DEAF1: variants seen among roughly 807,000 people sequenced by gnomAD.
The protein encoded by DEAF1 is DEAF1 transcription factor.
A neutral mutation model predicts 58.9 loss-of-function variants in DEAF1; 53 were observed. The observed-to-expected ratio is 0.90, with a 90% CI of 0.72 to 1.13. The LOEUF is 1.13. Among genes scored for constraint, DEAF1 ranks in the 50% most tolerant of loss-of-function variants. The pLI is 0.00. For synonymous variants in DEAF1, 385 were observed against 340.4 expected (o/e 1.13, Z -1.44); for missense variants, 685 against 791.4 (o/e 0.87, Z 1.61).
intron 6 of DEAF1, among the ~76,000 whole-genome samples, chr11:683,118 G>A (rs569676492): frequency 6.6e-6 from 1 of 152,228 alleles, no homozygotes; most frequent in South Asian, 2.1e-4. Flanking sequence ...ACCTTAAGGG[G>A]TTATTTTTTC....
intron 10 of DEAF1, among the ~76,000 whole-genome samples, chr11:673,113 C>A (rs1043356892): frequency 6.6e-6 from 1 of 151,902 alleles, no homozygotes; most frequent in Non-Finnish European, 1.5e-5. Context: ...CGTGCCACTG[C>A]ACTCCAGCCT....
chr11:701,386 G>A (rs1266288548), intron 1 of DEAF1, among the ~76,000 whole-genome samples: 1 of 144,862 alleles, frequency 6.9e-6, no homozygotes, highest in African/African-American at 2.6e-5. Context: ...TTTTTTTTTG[G>A]TAGAGACGAG....
Position 673,144 on chromosome 11 carries a change from G to A in DEAF1, c.1503+1392C>T, listed in dbSNP as rs146566661. Among the ~76,000 whole-genome samples, 83 of 151,860 alleles carry A rather than the reference G, an allele frequency of 5.5e-4. No individual in the cohort carries two copies. The East Asian group carries it at 6.8e-3, about 12-fold the overall frequency. ...AGCCTGGGTGATGGAGCGAGACTCC[G>A]TCTCAAAAAATAAAATAAAGTAAAA... On this transcript the variant is annotated intron_variant, in intron 10 of 11. Transcript: ENST00000382409.
rs750839352 is a variant in DEAF1, at chr11:674,556, C to T, written c.1483G>A (p.Ala495Thr). ...GTTACCTCCTTCCGCTCTGCGTCAG[C>T]GTGGATCTTGGCCTGGTTTGTGGCA... ...EAATNQAKIHADAERKEQSCV... is the reference protein window; with the variant it reads ...EAATNQAKIHTDAERKEQSCV... The change falls in exon 10 of 12, where the codon GCT becomes ACT. Residue 495 changes from alanine (A) to threonine (T), a missense_variant. By Grantham distance (58) the Ala-to-Thr change is moderately conservative. This residue lies in a region of DEAF1 where 343 missense variants were observed against 379.8 expected (regional missense o/e 0.90). Transcript: ENST00000382409. 5 of 1,613,752 alleles carry T rather than the reference C, an allele frequency of 3.1e-6. No homozygotes were observed. The highest frequency in any genetic ancestry group is 2.2e-5 in the East Asian group (1 of 44,884).
At chr11:674,903 G>C in intron 9 of DEAF1, 120 bp from the exon 10 acceptor site, 1 of 1,351,386 alleles carries the variant, frequency 7.4e-7, no homozygotes, top group Non-Finnish European at 1.0e-6. Context: ...CCAGCACTTT[G>C]GGAGGCCAAG....
At chr11:692,580 C>T (rs537483108) in intron 1 of DEAF1, among the ~76,000 whole-genome samples, 3 of 152,190 alleles carry the variant, frequency 2.0e-5, no homozygotes, top group South Asian at 4.1e-4. Context: ...CAGCCGGGCG[C>T]GGTGGCTCAC....
chr11:661,913 C>A lies in DEAF1; in HGVS notation c.1504-7862G>T, dbSNP rs1859336314. Among the ~76,000 whole-genome samples the A allele has an allele frequency of 2.6e-5, 4 of 152,200 alleles. No homozygotes were observed. In the South Asian group the frequency reaches 8.3e-4, roughly 31 times the overall value. ...AATTACAAATAACAATTTAATGGCA[C>A]AAAGCAAGCTTGTCCAACCCACAGC... On this transcript the variant is annotated intron_variant, in intron 10 of 11. Transcript: ENST00000382409.
intron 11 of DEAF1, among the ~76,000 whole-genome samples, chr11:645,538 G>A (rs562111793): frequency 1.3e-5 from 2 of 152,238 alleles, no homozygotes; most frequent in African/African-American, 4.8e-5. Context: ...GGCTGGTCTC[G>A]AACTCCTGAC....
Position 694,955 on chromosome 11 carries a change from GGCCGCGGCC to G in DEAF1, c.84_92del (p.Ala31_Ala33del). 8.2e-7 allele frequency: 1 copy of G among 1,226,498 alleles called. No individual in the cohort carries two copies. The highest frequency in any genetic ancestry group is 1.0e-6 in the Non-Finnish European group (1 of 984,844). 76.0% of individuals were successfully genotyped at this position (1,226,498 alleles called of 1,614,324 possible). On this transcript the variant is annotated inframe_deletion, in exon 1 of 12. Transcript: ENST00000382409. ...GCTCCTCCGCCTCGCCTCCTGCCGC[GGCCGCGGCC>G]GCCGCCGCCACAGCGGCCGCGGCCG...
At chr11:673,694 C>A (rs138344947) in intron 10 of DEAF1, among the ~76,000 whole-genome samples, 1 of 152,152 alleles carries the variant, frequency 6.6e-6, no homozygotes. Context: ...TTTCCTGTGG[C>A]CTTCAGAGCT....
upstream of DEAF1, chr11:700,181 G>A (rs143901821): frequency 3.6e-4 from 584 of 1,614,128 alleles, no homozygotes; most frequent in Admixed American, 6.7e-4. Context: ...TTATCTCAGC[G>A]GAACGTACTA....
At chr11:695,965 T>C (rs910748804), upstream of DEAF1, 9 of 796,824 alleles carry the variant, frequency 1.1e-5, no homozygotes, top group African/African-American at 1.6e-4. Context: ...CGTCTCTACG[T>C]GAGCGAGACA....
At chr11:692,079 G>A (rs545480761) in intron 1 of DEAF1, among the ~76,000 whole-genome samples, 2 of 152,144 alleles carry the variant, frequency 1.3e-5, no homozygotes, top group African/African-American at 4.8e-5. Flanking sequence ...AGGTGACCTC[G>A]GCCCCATGCT....
upstream of DEAF1, chr11:695,585 C>A (rs1255853519): frequency 4.0e-6 from 5 of 1,239,620 alleles, no homozygotes; most frequent in Non-Finnish European, 5.1e-6. Context: ...CGAGCCGAGA[C>A]GAGCCGAATG....
intron 9 of DEAF1, among the ~76,000 whole-genome samples, chr11:677,909 G>A (rs1395204890): frequency 6.6e-6 from 1 of 151,604 alleles, no homozygotes; most frequent in Non-Finnish European, 1.5e-5. Context: ...GTTGCAGTGA[G>A]CCGAGATCGC....
At chr11:679,629 G>A (rs1860251122) in intron 8 of DEAF1, 59 bp downstream of exon 8, 3 of 1,602,142 alleles carry the variant, frequency 1.9e-6, no homozygotes, top group Non-Finnish European at 2.5e-6. Context: ...CGTCGGGGAT[G>A]TGATGTCACA....
At chr11:702,680 C>T (rs1005454260) in intron 1 of DEAF1, among the ~76,000 whole-genome samples, 1 of 152,240 alleles carries the variant, frequency 6.6e-6, no homozygotes, top group Non-Finnish European at 1.5e-5. Context: ...CCCACACAGC[C>T]GACCCAGAAG....
At chr11:692,975 G>A (rs887315411) in intron 1 of DEAF1, among the ~76,000 whole-genome samples, 8 of 152,226 alleles carry the variant, frequency 5.3e-5, no homozygotes, top group African/African-American at 1.9e-4. Context: ...GCCACAGTGA[G>A]TGCTCAACGC....
intron 10 of DEAF1, among the ~76,000 whole-genome samples, chr11:661,326 C>T (rs550681114): frequency 4.4e-4 from 67 of 152,256 alleles, no homozygotes; most frequent in Middle Eastern, 6.8e-3. Flanking sequence ...TCATTACATA[C>T]ACACGAATGC....
Sources: gnomAD v4.1 joint callset for allele counts (sites outside exome capture counted in the v4.1 genomes callset) on GRCh38, gnomAD v4.1.1 for gene constraint, gnomAD v4.1.1 regional missense constraint, MANE v1.5 for transcripts, NCBI Gene and HGNC (gene_info 2026-07-23, HGNC 2026-07-21) for gene names.